ENPP7: variants seen among roughly 807,000 people sequenced by gnomAD.
The protein encoded by ENPP7 is ectonucleotide pyrophosphatase/phosphodiesterase family member 7.
In ENPP7, 39 loss-of-function variants were observed where a neutral mutation model predicts 33.6. The ratio of observed to expected loss-of-function variants is 1.16; its 90% CI spans 0.90 to 1.52. The LOEUF (loss-of-function observed/expected upper bound fraction) is 1.52. Among genes scored for constraint, ENPP7 ranks in the 40% most tolerant of loss-of-function variants. The probability of loss-of-function intolerance (pLI) is 0.00; values close to 1 mark genes in which losing one functional copy is unlikely to be tolerated. For synonymous variants in ENPP7, 244 were observed against 274.3 expected, an observed-to-expected ratio of 0.89 and a Z score of 1.09; for missense variants, 594 against 641.0, an observed-to-expected ratio of 0.93 and a Z score of 0.79.
At chr17:79,731,708 C>G (rs1482826831) in intron 1 of ENPP7, among the ~76,000 whole-genome samples, 1 of 152,194 alleles carries the variant, frequency 6.6e-6, no homozygotes, top group Non-Finnish European at 1.5e-5. Flanking sequence ...GCTGTGTCAG[C>G]CTCTCCCTCT....
chr17:79,737,229 C>A lies in ENPP7; in HGVS notation c.1215C>A (p.His405Gln). The change falls in exon 4 of 6, where the codon CAC becomes CAA. Residue 405 changes from histidine (H) to glutamine (Q), a missense_variant. His to Gln is a conservative substitution (Grantham distance 24). This residue lies in a region of ENPP7 where 504 missense variants were observed against 512.8 expected (regional missense o/e 0.98). Coordinates refer to ENST00000328313, the MANE Select transcript of ENPP7 (RefSeq NM_178543.5). The surrounding 1 kb of genome is among the most constrained non-coding windows in gnomAD (Gnocchi z 5.5). ...LGIVPEANDGHLATLLPMLHT... is the reference protein window; with the variant it reads ...LGIVPEANDGQLATLLPMLHT... ...TCGTGCCCGAGGCCAACGATGGGCA[C>A]CTAGCTACTCTGCTGCCCATGCTGC... The A allele has an allele frequency of 6.2e-7, 1 of 1,609,670 alleles. No homozygotes were observed. Among genetic ancestry groups the A allele is most frequent in the South Asian group, 1.1e-5 (1 of 90,986 alleles).
chr17:79,735,233 A>G lies in ENPP7; in HGVS notation c.590A>G (p.Glu197Gly), dbSNP rs781914651. The change falls in exon 3 of 6, where the codon GAG (glutamate) becomes GGG (glycine). Residue 197 changes from glutamate (E) to glycine (G), a missense_variant. Glu to Gly is a moderately conservative substitution (Grantham distance 98). Coordinates refer to ENST00000328313, the MANE Select transcript of ENPP7 (RefSeq NM_178543.5). The surrounding 1 kb of genome is among the most constrained non-coding windows in gnomAD (Gnocchi z 5.5). ...DLDLVTLYFG[E>G]PDSTGHRYGP... ...GATCTGGTCACACTCTACTTCGGGGAGCCGGACTCCACGGGCCACAGGTAC... is the reference window on the plus strand; with the variant it reads ...GATCTGGTCACACTCTACTTCGGGGGGCCGGACTCCACGGGCCACAGGTAC... 1 of 1,613,314 alleles carries G rather than the reference A, an allele frequency of 6.2e-7. No homozygotes were observed. Among genetic ancestry groups the G allele is most frequent in the East Asian group, 2.2e-5 (1 of 44,884 alleles).
intron 5 of ENPP7, among the ~76,000 whole-genome samples, chr17:79,740,933 T>C (rs1433909356): frequency 6.6e-6 from 1 of 152,228 alleles, no homozygotes; most frequent in Admixed American, 6.5e-5. Flanking sequence ...CATCACAGCC[T>C]GGTAAAGTCC....
rs782464268 is a variant in ENPP7 at position 79,731,193 on chromosome 17, C to T, written c.54C>T (p.Pro18=). The T allele has an allele frequency of 1.7e-5, 27 of 1,611,502 alleles. No individual in the cohort carries two copies. Among genetic ancestry groups the T allele is most frequent in the South Asian group, 3.3e-5 (3 of 90,908 alleles). The change falls in exon 1 of 6, where the codon CCC becomes CCT. Residue 18 remains proline, a synonymous_variant. Transcript: ENST00000328313. ...LTVALATLLA[P]GAGAPVQSQG... ...TGGCTCTGGCCACGCTCCTGGCTCC[C>T]GGGGCCGGAGCACCGGTACAAAGTC... is the stretch of plus-strand genomic sequence containing the variant.
chr17:79,731,535 C>T (rs1280006191), intron 1 of ENPP7, 143 bp downstream of exon 1: 79 of 1,110,386 alleles, frequency 7.1e-5, no homozygotes, highest in East Asian at 2.2e-4. Flanking sequence ...GAATCCTCAC[C>T]GTTGGTAGCA....
intron 1 of ENPP7, among the ~76,000 whole-genome samples, chr17:79,732,147 TATACAC>T (rs1331127454): frequency 4.5e-5 from 3 of 66,006 alleles, no homozygotes; most frequent in African/African-American, 8.9e-5. Context: ...TATATATATA[TATACAC>T]ACACATATAT....
At chr17:79,734,571 G>T (rs782205308) in intron 2 of ENPP7, among the ~76,000 whole-genome samples, 4 of 150,278 alleles carry the variant, frequency 2.7e-5, no homozygotes, top group Non-Finnish European at 3.0e-5. Context: ...TCTGCCTCCC[G>T]GGTTTACACT....
chr17:79,740,176 C>G (rs2094302863), intron 5 of ENPP7, among the ~76,000 whole-genome samples: 1 of 152,000 alleles, frequency 6.6e-6, no homozygotes, highest in Non-Finnish European at 1.5e-5. Context: ...CCACCATGGG[C>G]AAGAGTGAGA....
chr17:79,735,901 G>A lies in ENPP7; in HGVS notation c.1026+232G>A, dbSNP rs1296862375. On this transcript the variant is annotated intron_variant, in intron 3 of 5. Transcript: ENST00000328313. The surrounding 1 kb of genome is among the most constrained non-coding windows in gnomAD (Gnocchi z 5.5). ...CACCATGCCTGGCTAATTTTTGTGT[G>A]TGTTTTGTTTTGTTTTGTTTCATTT... Among the ~76,000 whole-genome samples the A allele has an allele frequency of 6.6e-6, 1 of 151,926 alleles. No individual in the cohort carries two copies. The highest frequency in any genetic ancestry group is 1.5e-5 in the Non-Finnish European group (1 of 67,964).
rs1176985617 is a variant in ENPP7 at position 79,738,448 on chromosome 17, C to CT, written c.*16+387dup. 1 of 212,482 alleles carries CT rather than the reference C, an allele frequency of 4.7e-6. No individual in the cohort carries two copies. Among genetic ancestry groups the CT allele is most frequent in the African/African-American group, 2.2e-5 (1 of 44,664 alleles). The allele number at this position is 212,482 out of a possible 1,614,324, so 13.2% of individuals were successfully genotyped here. A position where few individuals can be genotyped will look rare whatever the true frequency, so the allele number is the denominator to read the frequency against. On this transcript the variant is annotated intron_variant, in intron 5 of 5. Transcript: ENST00000328313. The surrounding 1 kb of genome is among the most constrained non-coding windows in gnomAD (Gnocchi z 6.2). Reference sequence around the variant, plus strand: ...CTGCGGTGCATTTGGGAGGAGAGCTCTGGGGCTGTGTTCCTGGAACTCTCC... The same window carrying CT: ...CTGCGGTGCATTTGGGAGGAGAGCTCTTGGGGCTGTGTTCCTGGAACTCTCC...
chr17:79,735,175 A>G lies in ENPP7; in HGVS notation c.532A>G (p.Thr178Ala). The change falls in exon 3 of 6, where the codon ACA (threonine) becomes GCA (alanine). Residue 178 changes from threonine (T) to alanine (A), a missense_variant. Physicochemically the swap from Thr to Ala is moderately conservative, Grantham distance 58. Around this residue, in one of 3 missense-constraint regions of ENPP7, gnomAD observed 504 missense variants for 512.8 expected, o/e 0.98. Coordinates refer to ENST00000328313, the MANE Select transcript of ENPP7 (RefSeq NM_178543.5). The surrounding 1 kb of genome is among the most constrained non-coding windows in gnomAD (Gnocchi z 5.5). ...NETEWRANIDTVMAWFTEEDL... is the reference protein window; with the variant it reads ...NETEWRANIDAVMAWFTEEDL... The stretch of plus-strand genomic sequence containing the variant: ...GACGGAGTGGAGAGCGAACATCGAC[A>G]CAGTGATGGCGTGGTTCACAGAGGA... The G allele has an allele frequency of 6.2e-7, 1 of 1,613,328 alleles. No homozygotes were observed.
At chr17:79,740,384 C>T (rs1268528919) in intron 5 of ENPP7, among the ~76,000 whole-genome samples, 8 of 152,144 alleles carry the variant, frequency 5.3e-5, no homozygotes, top group African/African-American at 1.9e-4. Context: ...GCTGACTGGT[C>T]CAAGGGCACC....
In ENPP7 at chr17:79,734,479, A is replaced by ATT. The variant is rs5822293; in HGVS notation, c.400-549_400-548dup. 2.3e-3 allele frequency among the ~76,000 whole-genome samples: 326 copies of ATT among 139,972 alleles called. 1 individual carries two copies. The highest frequency in any genetic ancestry group is 3.8e-3 in the Middle Eastern group (1 of 264). 91.8% of individuals were successfully genotyped at this position (139,972 alleles called of 152,430 possible). On this transcript the variant is annotated intron_variant, in intron 2 of 5. Transcript: ENST00000328313. ...AGGCAGACACTGCGTATCTGGGAAC[A>ATT]TTTTTTTTTTTTTTTTGAGACGGAG...
chr17:79,737,233 G>C lies in ENPP7; in HGVS notation c.1219G>C (p.Ala407Pro). The C allele has an allele frequency of 6.2e-7, 1 of 1,608,862 alleles. No individual in the cohort carries two copies. The highest frequency in any genetic ancestry group is 1.1e-5 in the South Asian group (1 of 90,930). The change falls in exon 4 of 6, where the codon GCT becomes CCT. Residue 407 changes from alanine to proline, a missense_variant. Coordinates refer to ENST00000328313, the MANE Select transcript of ENPP7 (RefSeq NM_178543.5). The surrounding 1 kb of genome is among the most constrained non-coding windows in gnomAD (Gnocchi z 5.5). ...GCCCGAGGCCAACGATGGGCACCTA[G>C]CTACTCTGCTGCCCATGCTGCACAC... The part of the protein sequence containing the change: ...IVPEANDGHL[A>P]TLLPMLHTES...
In ENPP7 at chr17:79,735,706, C is replaced by T. The variant is rs1555823483; in HGVS notation, c.1026+37C>T. 6.4e-7 allele frequency: 1 copy of T among 1,561,838 alleles called. No homozygotes were observed. Among genetic ancestry groups the T allele is most frequent in the African/African-American group, 1.4e-5 (1 of 73,060 alleles). ...GCTGGAGGCACCACCTCCAGGGGCT[C>T]CCTCCCCAGGCTCTGGGTCTTCTTT... On this transcript the variant is annotated intron_variant, in intron 3 of 5. Coordinates refer to ENST00000328313, the MANE Select transcript of ENPP7 (RefSeq NM_178543.5). The surrounding 1 kb of genome is among the most constrained non-coding windows in gnomAD (Gnocchi z 5.5).
At chr17:79,732,932 C>T (rs2145789957) in intron 1 of ENPP7, among the ~76,000 whole-genome samples, 1 of 152,360 alleles carries the variant, frequency 6.6e-6, no homozygotes, top group African/African-American at 2.4e-5. Flanking sequence ...CTGCGCAGCG[C>T]CTCTTTTGCT....
At chr17:79,732,135 T>TATATATATATACATATATACAC (rs2094287293) in intron 1 of ENPP7, among the ~76,000 whole-genome samples, 4 of 40,972 alleles carry the variant, frequency 9.8e-5, no homozygotes, top group Non-Finnish European at 1.2e-4. Context: ...TATATATGTA[T>TATATATATATACATATATACAC]ATATATATAT....
Position 79,735,977 on chromosome 17 carries a change from T to C in ENPP7, c.1026+308T>C, listed in dbSNP as rs1403224024. Among the ~76,000 whole-genome samples the C allele has an allele frequency of 6.6e-6, 1 of 152,192 alleles. No homozygotes were observed. The highest frequency in any genetic ancestry group is 2.1e-4 in the South Asian group (1 of 4,832). On this transcript the variant is annotated intron_variant, in intron 3 of 5. Coordinates refer to ENST00000328313, the MANE Select transcript of ENPP7 (RefSeq NM_178543.5). The surrounding 1 kb of genome is among the most constrained non-coding windows in gnomAD (Gnocchi z 5.5). ...CAGGCTGGAGGGTAATGGTGCCATC[T>C]TGGCTCGCTGCATCCTCCACCTCCT...
rs369720359 is a variant in ENPP7, at chr17:79,731,347, G to A, written c.208G>A (p.Ala70Thr). 7.9e-5 allele frequency: 128 copies of A among 1,612,902 alleles called. No homozygotes were observed. Among genetic ancestry groups the A allele is most frequent in the Non-Finnish European group, 1.1e-4 (125 of 1,179,652 alleles). The stretch of plus-strand genomic sequence containing the variant: ...GGTGAAGGCACGCTACATGACCCCC[G>A]CCTTTGTCACCATGACCAGCCCCTG... ...DGVKARYMTP[A>T]FVTMTSPCHF... Residue 70 changes from alanine to threonine, a missense_variant, in exon 1 of 6, where the codon GCC becomes ACC. Around this residue, in one of 3 missense-constraint regions of ENPP7, gnomAD observed 85 missense variants for 111.3 expected, o/e 0.76. Coordinates refer to ENST00000328313, the MANE Select transcript of ENPP7 (RefSeq NM_178543.5).
Sources: gnomAD v4.1 joint callset for allele counts (sites outside exome capture counted in the v4.1 genomes callset) on GRCh38, gnomAD v4.1.1 for gene constraint, gnomAD v4.1.1 regional missense constraint, Gnocchi (gnomAD v3.1) non-coding constraint, MANE v1.5 for transcripts, NCBI Gene and HGNC (gene_info 2026-07-23, HGNC 2026-07-21) for gene names.